The following MAP2 variants were observed in gnomAD, a reference collection of about 807,000 sequenced individuals.
MAP2 encodes microtubule-associated protein 2.
A neutral mutation model predicts 137.6 loss-of-function variants in MAP2; 14 were observed. That is an observed-to-expected ratio of 0.10 (90% CI 0.07 to 0.16). The LOEUF is 0.16. Ranked by LOEUF, MAP2 falls within the 10% of genes least tolerant of loss-of-function variation. MAP2 has a pLI of 1.00. For missense variants in MAP2, 2,088 were observed against 2,191.5 expected (o/e 0.95, Z 0.94); for synonymous variants, 786 against 782.3 (o/e 1.00, Z -0.08).
chr2:209,462,976 GCATAATGCACA>G lies in MAP2; in HGVS notation c.-222+38703_-222+38713del, dbSNP rs539484535. ...ATGCCTGCTCTTCTGTCAACTCCCA[GCATAATGCACA>G]CACACACACACGTGCACACAAATAC... On this transcript the variant is annotated intron_variant, in intron 1 of 15. Transcript: ENST00000682079. Among the ~76,000 whole-genome samples, 423 of 151,980 alleles carry G rather than the reference GCATAATGCACA, an allele frequency of 2.8e-3. 1 individual carries two copies. Among genetic ancestry groups the G allele is most frequent in the African/African-American group, 9.6e-3 (397 of 41,454 alleles).
chr2:209,475,406 A>G (rs147725441), intron 1 of MAP2, among the ~76,000 whole-genome samples: 299 of 152,196 alleles, frequency 2.0e-3, no homozygotes, highest in African/African-American at 6.6e-3. Context: ...GCTCAGTGCA[A>G]TTGTCCTGAA....
At chr2:209,502,770 AG>A (rs2060539208) in intron 1 of MAP2, among the ~76,000 whole-genome samples, 1 of 152,128 alleles carries the variant, frequency 6.6e-6, no homozygotes, top group Non-Finnish European at 1.5e-5. Flanking sequence ...TCTTAATGAT[AG>A]CCATACTAAC....
At chr2:209,610,920 T>G (rs1319868973) in intron 3 of MAP2, among the ~76,000 whole-genome samples, 1 of 152,104 alleles carries the variant, frequency 6.6e-6, no homozygotes, top group Admixed American at 6.6e-5. Context: ...AGAAATAATA[T>G]AAAGCTTTTG....
chr2:209,478,083 A>G (rs1035564805), intron 1 of MAP2, among the ~76,000 whole-genome samples: 1 of 152,206 alleles, frequency 6.6e-6, no homozygotes, highest in African/African-American at 2.4e-5. Flanking sequence ...CTTGGGCTAA[A>G]GTTTTGTAGC....
intron 3 of MAP2, among the ~76,000 whole-genome samples, chr2:209,594,330 G>T (rs897110383): frequency 6.6e-6 from 1 of 151,984 alleles, no homozygotes; most frequent in African/African-American, 2.4e-5. Flanking sequence ...GAAGACGAAG[G>T]CTTCAAGGGT....
intron 3 of MAP2, among the ~76,000 whole-genome samples, chr2:209,619,632 A>G (rs917806163): frequency 2.1e-4 from 32 of 152,214 alleles, no homozygotes; most frequent in African/African-American, 7.5e-4. Context: ...TATTTATAAA[A>G]TAAAATATTT....
intron 14 of MAP2, 76 bp from the exon 15 acceptor site, chr2:209,729,774 C>G: frequency 1.1e-6 from 1 of 896,054 alleles, no homozygotes; most frequent in Non-Finnish European, 1.8e-6. Context: ...CGTAGTCTAT[C>G]TACTGCAGTC....
chr2:209,723,660 C>T (rs1366680671), intron 13 of MAP2: 1 of 1,613,966 alleles, frequency 6.2e-7, no homozygotes, highest in East Asian at 2.2e-5. Flanking sequence ...CCAAGGATAA[C>T]ATCAAACATT....
chr2:209,700,808 A>C (rs1292788628), intron 11 of MAP2, among the ~76,000 whole-genome samples: 2 of 152,172 alleles, frequency 1.3e-5, no homozygotes, highest in Non-Finnish European at 2.9e-5. Flanking sequence ...TATCATTTTG[A>C]TGTAAAATCC....
intron 3 of MAP2, among the ~76,000 whole-genome samples, chr2:209,608,483 C>G (rs756498002): frequency 1.3e-5 from 2 of 151,944 alleles, no homozygotes; most frequent in Admixed American, 1.3e-4. Context: ...GATGGGATCT[C>G]GCTATGTTGT....
rs138654038 is a variant in MAP2 at position 209,653,364 on chromosome 2, G to A, written c.194G>A (p.Gly65Asp). The A allele has an allele frequency of 4.5e-5, 73 of 1,613,842 alleles. No individual in the cohort carries two copies. The highest frequency in any genetic ancestry group is 6.0e-5 in the Non-Finnish European group (71 of 1,179,946). Reference sequence around the variant, plus strand: ...GCCTTTGGAGAGCATGGGTCACAGGGCACCTATTCAAATACCAAAGAGAAT... The same window carrying A: ...GCCTTTGGAGAGCATGGGTCACAGGACACCTATTCAAATACCAAAGAGAAT... ...EGAFGEHGSQ[G>D]TYSNTKENGI... Residue 65 changes from glycine to aspartate, a missense_variant, in exon 5 of 16, where the codon GGC (glycine) becomes GAC (aspartate). Transcript: ENST00000682079.
At chr2:209,673,441 A>G (rs1008371528) in intron 5 of MAP2, among the ~76,000 whole-genome samples, 3 of 151,870 alleles carry the variant, frequency 2.0e-5, no homozygotes, top group African/African-American at 7.2e-5. Flanking sequence ...ACGGTTAATT[A>G]CATCAAAACC....
rs1336937870 is a variant in MAP2 at position 209,694,716 on chromosome 2, C to T, written c.2546C>T (p.Pro849Leu). 19 of 1,614,050 alleles carry T rather than the reference C, an allele frequency of 1.2e-5. No individual in the cohort carries two copies. The highest frequency in any genetic ancestry group is 2.2e-5 in the East Asian group (1 of 44,854). The change falls in exon 8 of 16, where the codon CCG (proline) becomes CTG (leucine). Residue 849 changes from proline to leucine, a missense_variant. By Grantham distance (98) the Pro-to-Leu change is moderately conservative (BLOSUM62 -3). This residue lies in a region of MAP2 where 500 missense variants were observed against 482.9 expected (regional missense o/e 1.04). Coordinates refer to ENST00000682079, the MANE Select transcript of MAP2 (RefSeq NM_001375505.1). ...GAGGATAGTCGTACTGGCTTGCCCC[C>T]GGTAACTGATGAAAACCATGTCATT... ...VVEDSRTGLP[P>L]VTDENHVIVK...
At chr2:209,544,076 A>G (rs961334276) in intron 2 of MAP2, among the ~76,000 whole-genome samples, 4 of 151,922 alleles carry the variant, frequency 2.6e-5, no homozygotes, top group African/African-American at 4.8e-5. Flanking sequence ...AAAAATACAA[A>G]AACAAAATTA....
At chr2:209,561,146 G>T (rs191642650) in intron 2 of MAP2, among the ~76,000 whole-genome samples, 1 of 152,290 alleles carries the variant, frequency 6.6e-6, no homozygotes, top group African/African-American at 2.4e-5. Flanking sequence ...TTCATTAGAA[G>T]CTAGGCTAAA....
At chr2:209,428,568 A>T (rs1464238212) in intron 1 of MAP2, among the ~76,000 whole-genome samples, 6 of 152,134 alleles carry the variant, frequency 3.9e-5, no homozygotes, top group African/African-American at 1.4e-4. Context: ...TGGTCTTTAG[A>T]AAATGAAATT....
chr2:209,582,679 AT>A (rs2076750272), intron 3 of MAP2, among the ~76,000 whole-genome samples: 2 of 151,862 alleles, frequency 1.3e-5, no homozygotes, highest in Non-Finnish European at 2.9e-5. Flanking sequence ...AGATAGATAG[AT>A]AGATAGATAG....
At chr2:209,631,827 A>C (rs2093086773) in intron 4 of MAP2, among the ~76,000 whole-genome samples, 1 of 152,110 alleles carries the variant, frequency 6.6e-6, no homozygotes, top group African/African-American at 2.4e-5. Context: ...CAAGTAAGGG[A>C]TTGTGTAGAA....
At chr2:209,636,236 T>C (rs2093551413) in intron 4 of MAP2, among the ~76,000 whole-genome samples, 1 of 152,102 alleles carries the variant, frequency 6.6e-6, no homozygotes, top group Non-Finnish European at 1.5e-5. Context: ...GTGCCAAAGC[T>C]TGAGTCATTT....
Sources: allele counts gnomAD v4.1 joint callset (sites outside exome capture counted in the v4.1 genomes callset), GRCh38; gene constraint gnomAD v4.1.1; regional missense constraint gnomAD v4.1.1; transcripts MANE v1.5; gene names NCBI Gene and HGNC (gene_info 2026-07-23, HGNC 2026-07-21).